The following LEF1 variants were observed in gnomAD, a reference collection of about 807,000 sequenced individuals.
LEF1 encodes the protein lymphoid enhancer binding factor 1.
Under a neutral mutation model 51.2 loss-of-function variants are expected in LEF1, and 14 were observed. The ratio of observed to expected loss-of-function variants is 0.27; its 90% confidence interval spans 0.18 to 0.43. The LOEUF (loss-of-function observed/expected upper bound fraction) is 0.43, where lower values mean the gene tolerates loss of function less well. LEF1 is among the 20% of genes least tolerant of loss of function. LEF1 has a pLI of 1.00. For missense variants in LEF1, 386 were observed against 512.0 expected, an observed-to-expected ratio of 0.75 and a Z score of 2.37; for synonymous variants, 185 against 183.2, an observed-to-expected ratio of 1.01 and a Z score of -0.08.
At chr4:108,166,550 C>T in intron 1 of LEF1, 1 of 1,259,416 alleles carries the variant, frequency 7.9e-7, no homozygotes, top group East Asian at 3.9e-5. Flanking sequence ...GTCCATCCGC[C>T]CCCTAGACCA....
intron 3 of LEF1, among the ~76,000 whole-genome samples, chr4:108,112,099 G>T (rs1741570257): frequency 6.6e-6 from 1 of 152,198 alleles, no homozygotes; most frequent in Non-Finnish European, 1.5e-5. Context: ...AAAAACAGTG[G>T]TAATGACCTG....
At chr4:108,150,525 G>A (rs1268246908) in intron 3 of LEF1, among the ~76,000 whole-genome samples, 1 of 152,158 alleles carries the variant, frequency 6.6e-6, no homozygotes, top group Non-Finnish European at 1.5e-5. Context: ...AGTATTCTTA[G>A]AACCTTTTAT....
chr4:108,070,552 C>A (rs1044924335), intron 9 of LEF1, 111 bp downstream of exon 9: 7 of 611,008 alleles, frequency 1.1e-5, no homozygotes, highest in Admixed American at 2.6e-5. Flanking sequence ...CATTAACTTC[C>A]AAAAAATAAG....
chr4:108,133,373 CAAGT>C (rs1425956970), intron 3 of LEF1, among the ~76,000 whole-genome samples: 1 of 152,140 alleles, frequency 6.6e-6, no homozygotes, highest in Non-Finnish European at 1.5e-5. Context: ...TCATGGAATA[CAAGT>C]AATACATGTT....
At chr4:108,052,132 C>T (rs1018997433) in intron 11 of LEF1, among the ~76,000 whole-genome samples, 1 of 152,140 alleles carries the variant, frequency 6.6e-6, no homozygotes, top group African/African-American at 2.4e-5. Context: ...GGGTCAGGAG[C>T]AGGCAAGGGC....
At chr4:108,166,629 CGT>C (rs1745412907) in intron 1 of LEF1, 8 of 1,059,876 alleles carry the variant, frequency 7.5e-6, no homozygotes, top group Non-Finnish European at 9.1e-6. Flanking sequence ...CCAGCACCCA[CGT>C]GTCTCTATTT....
chr4:108,070,819 A>G, intron 8 of LEF1, 49 bp from the exon 9 acceptor site: 1 of 1,207,684 alleles, frequency 8.3e-7, no homozygotes, highest in Non-Finnish European at 1.2e-6. Flanking sequence ...CAAAATAGCA[A>G]TAGCATATTT....
At chr4:108,111,326 C>T (rs1741516426) in intron 3 of LEF1, among the ~76,000 whole-genome samples, 1 of 152,146 alleles carries the variant, frequency 6.6e-6, no homozygotes, top group South Asian at 2.1e-4. Flanking sequence ...GCACATTGGC[C>T]TGTAGCTAAT....
At chr4:108,133,038 G>C (rs1291467720) in intron 3 of LEF1, among the ~76,000 whole-genome samples, 1 of 151,648 alleles carries the variant, frequency 6.6e-6, no homozygotes, top group Non-Finnish European at 1.5e-5. Flanking sequence ...CAGTGGTGCA[G>C]TCTCGGCTCA....
At chr4:108,084,559 T>C (rs537442951) in intron 4 of LEF1, among the ~76,000 whole-genome samples, 5 of 152,260 alleles carry the variant, frequency 3.3e-5, no homozygotes, top group African/African-American at 1.2e-4. Flanking sequence ...CAAGAAGTGC[T>C]GTCTTGAAAG....
At position 108,067,847 on chromosome 4, in the gene LEF1, C is replaced by A. The variant is rs370822225; in HGVS notation, c.1116+2816G>T. Among the ~76,000 whole-genome samples, 9 of 151,834 alleles carry A rather than the reference C, an allele frequency of 5.9e-5. No individual in the cohort carries two copies. In the East Asian group the frequency reaches 1.2e-3, roughly 20 times the overall value. ...GGCTGGCCAGAAGACACTTTTGAAA[C>A]CCTCTGGGTGAACACTGATCTTCCT... On this transcript the variant is annotated intron_variant, in intron 9 of 11. Transcript: ENST00000265165.
chr4:108,143,120 A>C (rs150001579), intron 3 of LEF1, among the ~76,000 whole-genome samples: 1 of 152,170 alleles, frequency 6.6e-6, no homozygotes, highest in Non-Finnish European at 1.5e-5. Flanking sequence ...GAATCAACAG[A>C]CCTGGCTGTA....
intron 1 of LEF1, chr4:108,166,648 C>T (rs1745413997): frequency 9.8e-7 from 1 of 1,023,766 alleles, no homozygotes; most frequent in Non-Finnish European, 1.2e-6. Context: ...ATTTACTCTA[C>T]TCAGGTTACC....
intron 3 of LEF1, among the ~76,000 whole-genome samples, chr4:108,120,606 T>C (rs185991421): frequency 6.9e-4 from 105 of 152,352 alleles, no homozygotes; most frequent in African/African-American, 2.5e-3. Context: ...CTCTGTTACA[T>C]TGAAATCCAT....
At chr4:108,119,913 AAAC>A (rs1316697411) in intron 3 of LEF1, among the ~76,000 whole-genome samples, 44 of 152,186 alleles carry the variant, frequency 2.9e-4, no homozygotes, top group African/African-American at 9.9e-4. Flanking sequence ...TTTGCTTAAA[AAAC>A]AATCTGTTTA....
chr4:108,056,083 T>C (rs1426920443), intron 11 of LEF1, among the ~76,000 whole-genome samples: 1 of 152,248 alleles, frequency 6.6e-6, no homozygotes, highest in Non-Finnish European at 1.5e-5. Flanking sequence ...CCTTCTCCTC[T>C]GGCCACAGCT....
At chr4:108,149,407 C>T (rs1380097811) in intron 3 of LEF1, among the ~76,000 whole-genome samples, 2 of 139,272 alleles carry the variant, frequency 1.4e-5, no homozygotes, top group South Asian at 2.3e-4. Flanking sequence ...TGCAGTGAGC[C>T]GAGGTCGTGC....
chr4:108,164,586 T>C (rs1226708653), intron 2 of LEF1, among the ~76,000 whole-genome samples: 2 of 152,210 alleles, frequency 1.3e-5, no homozygotes, highest in African/African-American at 2.4e-5. Flanking sequence ...GTATCATTTC[T>C]GATATGCACA....
At chr4:108,057,658 G>A (rs561530229) in intron 11 of LEF1, among the ~76,000 whole-genome samples, 1 of 152,156 alleles carries the variant, frequency 6.6e-6, no homozygotes, top group Non-Finnish European at 1.5e-5. Context: ...GGAGCCCCAA[G>A]TTCTCAACCC....
Sources: gnomAD v4.1 joint callset for allele counts (sites outside exome capture counted in the v4.1 genomes callset) on GRCh38, gnomAD v4.1.1 for gene constraint, MANE v1.5 for transcripts, NCBI Gene and HGNC (gene_info 2026-07-23, HGNC 2026-07-21) for gene names.